The following MYO10 variants were observed in gnomAD, a reference collection of about 807,000 sequenced individuals.
The protein encoded by MYO10 is myosin X, also known as unconventional myosin-X.
MYO10 carries 133 observed loss-of-function variants against 257.3 expected under a neutral mutation model. The ratio of observed to expected loss-of-function variants is 0.52; its 90% confidence interval spans 0.45 to 0.60. The LOEUF is 0.60. MYO10 is among the 20% of genes least tolerant of loss of function. The probability of loss-of-function intolerance (pLI) is 0.00; values close to 1 mark genes in which losing one functional copy is unlikely to be tolerated. For missense variants in MYO10, 2,399 were observed against 2,635.7 expected (o/e 0.91, Z 1.97); for synonymous variants, 1,104 against 1,028.6 (o/e 1.07, Z -1.40).
intron 31 of MYO10, 143 bp downstream of exon 31, chr5:16,681,728 C>T: frequency 8.4e-7 from 1 of 1,194,316 alleles, no homozygotes; most frequent in Non-Finnish European, 1.1e-6. Context: ...TTTATAATAT[C>T]ACAAATTAAA....
At chr5:16,909,837 G>A (rs1408577461) in intron 1 of MYO10, among the ~76,000 whole-genome samples, 1 of 152,108 alleles carries the variant, frequency 6.6e-6, no homozygotes, top group African/African-American at 2.4e-5. Context: ...AGGGAAGAGT[G>A]AATTCTCACT....
At chr5:16,786,717 A>G (rs1047704379) in intron 4 of MYO10, among the ~76,000 whole-genome samples, 1 of 152,154 alleles carries the variant, frequency 6.6e-6, no homozygotes, top group Non-Finnish European at 1.5e-5. Flanking sequence ...CATTTTGGAT[A>G]AGGGATACTC....
intron 1 of MYO10, among the ~76,000 whole-genome samples, chr5:16,915,319 T>A (rs1745784915): frequency 1.3e-5 from 2 of 152,182 alleles, no homozygotes; most frequent in African/African-American, 4.8e-5. Flanking sequence ...GAGGATTCAA[T>A]GAGATCCAGG....
intron 19 of MYO10, among the ~76,000 whole-genome samples, chr5:16,728,272 C>T (rs1739450646): frequency 6.6e-6 from 1 of 152,174 alleles, no homozygotes; most frequent in Non-Finnish European, 1.5e-5. Flanking sequence ...CTCCTGCACA[C>T]TGGACAGATT....
chr5:16,718,076 A>T (rs1051556480), intron 19 of MYO10, among the ~76,000 whole-genome samples: 3 of 152,202 alleles, frequency 2.0e-5, no homozygotes, highest in African/African-American at 7.2e-5. Context: ...GCCCCGGGCA[A>T]TGGGGGACTT....
chr5:16,783,238 G>A (rs1298212071), intron 5 of MYO10, 97 bp downstream of exon 5: 1 of 1,249,250 alleles, frequency 8.0e-7, no homozygotes, highest in Non-Finnish European at 1.1e-6. Flanking sequence ...TCAAGAAAAA[G>A]AGAAACGCGA....
At chr5:16,897,604 G>A (rs1353803031) in intron 1 of MYO10, among the ~76,000 whole-genome samples, 2 of 152,192 alleles carry the variant, frequency 1.3e-5, no homozygotes, top group African/African-American at 4.8e-5. Flanking sequence ...GAGTCCCACG[G>A]TCTAAACTCT....
At chr5:16,818,797 A>C (rs1742718556) in intron 2 of MYO10, among the ~76,000 whole-genome samples, 1 of 152,184 alleles carries the variant, frequency 6.6e-6, no homozygotes, top group Non-Finnish European at 1.5e-5. Context: ...AGATGTTCCT[A>C]AAAGATATTA....
chr5:16,816,715 G>T (rs1742627007), intron 3 of MYO10, among the ~76,000 whole-genome samples: 1 of 151,644 alleles, frequency 6.6e-6, no homozygotes, highest in South Asian at 2.1e-4. Flanking sequence ...ATTTTTAGTA[G>T]AGACGGGGAT....
At chr5:16,866,449 C>CT (rs1270535531) in intron 2 of MYO10, among the ~76,000 whole-genome samples, 1 of 152,126 alleles carries the variant, frequency 6.6e-6, no homozygotes, top group Non-Finnish European at 1.5e-5. Flanking sequence ...CATTAACTTG[C>CT]TATTAGGCTG....
chr5:16,735,986 ACTG>A (rs1455477115), intron 19 of MYO10, among the ~76,000 whole-genome samples: 2 of 152,172 alleles, frequency 1.3e-5, no homozygotes, highest in Non-Finnish European at 2.9e-5. Context: ...CTTTCCAGGT[ACTG>A]CTGCTAGTTT....
chr5:16,811,086 C>A lies in MYO10; in HGVS notation c.279+6923G>T, dbSNP rs866996176. ...TCTGTCTCAAAAAAAAAAAAAAAAA[C>A]AAAAAGAAAACTTTAACAAATATAG... On this transcript the variant is annotated intron_variant, in intron 3 of 40. Coordinates refer to ENST00000513610, the MANE Select transcript of MYO10 (RefSeq NM_012334.3). Among the ~76,000 whole-genome samples the A allele has an allele frequency of 7.3e-3, 989 of 135,028 alleles. 11 individuals carry two copies. Among genetic ancestry groups the A allele is most frequent in the African/African-American group, 0.021 (746 of 34,738 alleles). The allele number at this position is 135,028 out of a possible 152,430, so 88.6% of individuals were successfully genotyped here.
chr5:16,706,547 A>G (rs1022658261), intron 21 of MYO10, among the ~76,000 whole-genome samples: 2 of 152,166 alleles, frequency 1.3e-5, no homozygotes, highest in Admixed American at 1.3e-4. Context: ...AAAAGGAAAA[A>G]TAACAGCCAA....
chr5:16,783,845 A>G (rs1741495735), intron 4 of MYO10, among the ~76,000 whole-genome samples: 1 of 152,224 alleles, frequency 6.6e-6, no homozygotes, highest in Non-Finnish European at 1.5e-5. Flanking sequence ...GCATGAGCTC[A>G]CTAACATGAT....
chr5:16,801,778 T>G (rs1261633033), intron 3 of MYO10, among the ~76,000 whole-genome samples: 1 of 135,998 alleles, frequency 7.4e-6, no homozygotes, highest in Non-Finnish European at 1.5e-5. Flanking sequence ...TTTCTTATTC[T>G]TTTTTGCATA....
At chr5:16,754,784 G>A (rs747833634) in intron 19 of MYO10, 44 bp downstream of exon 19, 132 of 1,437,484 alleles carry the variant, frequency 9.2e-5, no homozygotes, top group Non-Finnish European at 1.2e-4. Context: ...AGGAGGCTGT[G>A]TCCCTCGAGA....
intron 1 of MYO10, chr5:16,916,437 C>G (rs1033538932): frequency 6.7e-6 from 1 of 149,390 alleles, no homozygotes; most frequent in African/African-American, 2.7e-5. Context: ...AATCAGATTA[C>G]ATTAAATTAC....
rs145360890 is a variant in MYO10 at position 16,906,634 on chromosome 5, T to G, written c.22-28927A>C. On this transcript the variant is annotated intron_variant, in intron 1 of 40. Coordinates refer to ENST00000513610, the MANE Select transcript of MYO10 (RefSeq NM_012334.3). The stretch of plus-strand genomic sequence containing the variant: ...CCAAAACCACTTTAGCATCATCATC[T>G]CTCCAACTTCCTCCTTCTCTATGCC... 5.4e-3 allele frequency among the ~76,000 whole-genome samples: 826 copies of G among 152,072 alleles called. 5 individuals are homozygous for G. The highest frequency in any genetic ancestry group is 0.019 in the African/African-American group (795 of 41,496).
chr5:16,725,078 CTTTTTTTTTTTT>C lies in MYO10; in HGVS notation c.1930-13845_1930-13834del, dbSNP rs34100971. Among the ~76,000 whole-genome samples the C allele has an allele frequency of 9.1e-3, 680 of 74,966 alleles. 8 individuals carry two copies. Among genetic ancestry groups the C allele is most frequent in the African/African-American group, 0.032 (646 of 20,194 alleles). The allele number at this position is 74,966 out of a possible 152,430, so 49.2% of individuals were successfully genotyped here. On this transcript the variant is annotated intron_variant, in intron 19 of 40. Coordinates refer to ENST00000513610, the MANE Select transcript of MYO10 (RefSeq NM_012334.3). The stretch of plus-strand genomic sequence containing the variant: ...TATACAGTTCTCTCACCTTCTTCTT[CTTTTTTTTTTTT>C]TTTTTTTTTTTTTTGAGACAGAGTC...
Sources: allele counts gnomAD v4.1 joint callset (sites outside exome capture counted in the v4.1 genomes callset), GRCh38; gene constraint gnomAD v4.1.1; transcripts MANE v1.5; gene names NCBI Gene and HGNC (gene_info 2026-07-23, HGNC 2026-07-21).